Variants in EPHA10 observed in about 807,000 individuals in gnomAD.
EPHA10 encodes ephrin type-A receptor 10.
Under a neutral mutation model 109.7 loss-of-function variants are expected in EPHA10, and 120 were observed. The observed-to-expected ratio is 1.09, with a 90% CI of 0.94 to 1.27. The LOEUF is 1.27. EPHA10 is among the 50% of genes most tolerant of loss of function. The pLI is 0.00. For synonymous variants in EPHA10, 640 were observed against 618.9 expected (o/e 1.03, Z -0.51); for missense variants, 1,396 against 1,411.1 (o/e 0.99, Z 0.17).
chr1:37,761,522 C>G lies in EPHA10; in HGVS notation c.733G>C (p.Glu245Gln). Residue 245 changes from glutamate to glutamine, a missense_variant, in exon 3 of 17, where the codon GAA (glutamate) becomes CAA (glutamine). Coordinates refer to ENST00000373048, the MANE Select transcript of EPHA10 (RefSeq NM_001099439.2). ...EVAGTCVAHS[E>Q]GEPGSPPRMH... ...CGTGGGGGGCTGCCAGGCTCCCCTT[C>G]CGAGTGCGCCACGCACGTTCCGGCC... is the stretch of plus-strand genomic sequence containing the variant. 1 of 1,599,428 alleles carries G rather than the reference C, an allele frequency of 6.3e-7. No homozygotes were observed. Among genetic ancestry groups the G allele is most frequent in the Non-Finnish European group, 8.5e-7 (1 of 1,177,952 alleles).
In EPHA10 at chr1:37,718,679, A is replaced by T; in HGVS notation, c.2894T>A (p.Val965Glu). The change falls in exon 16 of 17, where the codon GTG becomes GAG. Residue 965 changes from valine to glutamate, a missense_variant. Transcript: ENST00000373048. The stretch of plus-strand genomic sequence containing the variant: ...GACTCACTGGGCAGTCATCTCGGCC[A>T]CGGCCTCCAGGCTCCCATAGCCAGC... ...AAAGYGSLEA[V>E]AEMTAQDLVS... The T allele has an allele frequency of 6.2e-7, 1 of 1,613,196 alleles. No individual in the cohort carries two copies. The highest frequency in any genetic ancestry group is 8.5e-7 in the Non-Finnish European group (1 of 1,180,028).
chr1:37,761,619 G>A lies in EPHA10; in HGVS notation c.636C>T (p.Arg212=), dbSNP rs773653373. 28 of 1,603,780 alleles carry A rather than the reference G, an allele frequency of 1.7e-5. No individual in the cohort carries two copies. In the Admixed American group the frequency reaches 4.5e-4, roughly 26 times the overall value. The change falls in exon 3 of 17, where the codon CGC becomes CGT. Residue 212 remains arginine (R), a synonymous_variant. Transcript: ENST00000373048. ...VSVRVYYKQC[R]ATVRGLATFP... is the part of the protein sequence containing the mutation. ...ACGTGGCCAGGCCCCGCACGGTGGCGCGGCACTGCTTGTAGTAGACGCGCA... is the reference window on the plus strand; with the variant it reads ...ACGTGGCCAGGCCCCGCACGGTGGCACGGCACTGCTTGTAGTAGACGCGCA...
chr1:37,729,217 C>T (rs1033891532), intron 7 of EPHA10, among the ~76,000 whole-genome samples: 2 of 152,128 alleles, frequency 1.3e-5, no homozygotes, highest in African/African-American at 4.8e-5. Flanking sequence ...CCAGCTAAGC[C>T]CCGAGATGAT....
chr1:37,757,292 C>T (rs760447204), intron 3 of EPHA10, among the ~76,000 whole-genome samples: 1 of 152,198 alleles, frequency 6.6e-6, no homozygotes, highest in African/African-American at 2.4e-5. Context: ...TATTCCCCCA[C>T]TTATCCATCT....
At position 37,731,350 on chromosome 1, in the gene EPHA10, C is replaced by T. The variant is rs533510781; in HGVS notation, c.1663+61G>A. On this transcript the variant is annotated intron_variant, in intron 7 of 16. Transcript: ENST00000373048. The stretch of plus-strand genomic sequence containing the variant: ...CTCTCCCCCTCTATTTGTCTCCCTA[C>T]CTCAGCCCCGTGCAGGGTTCTCTCT... 4.2e-5 allele frequency: 62 copies of T among 1,485,836 alleles called. No individual in the cohort carries two copies. In the South Asian group the frequency reaches 7.5e-4, roughly 18 times the overall value. 92.0% of individuals were successfully genotyped at this position (1,485,836 alleles called of 1,614,324 possible). A position where few individuals can be genotyped will look rare whatever the true frequency, so the allele number is the denominator to read the frequency against.
chr1:37,761,011 G>A (rs1646424486), intron 3 of EPHA10: 2 of 352,326 alleles, frequency 5.7e-6, no homozygotes, highest in Non-Finnish European at 8.8e-6. Flanking sequence ...TTGAACCCAG[G>A]AGGTGGAAGT....
intron 13 of EPHA10, 124 bp downstream of exon 13, chr1:37,720,227 C>A: frequency 1.4e-6 from 2 of 1,400,536 alleles, no homozygotes; most frequent in Non-Finnish European, 1.9e-6. Context: ...GGTTCACTCG[C>A]ATTTATGCCA....
At chr1:37,714,275 AGAG>A (rs1297824793), downstream of EPHA10, among the ~76,000 whole-genome samples, 2 of 152,188 alleles carry the variant, frequency 1.3e-5, no homozygotes, top group Admixed American at 6.5e-5. Context: ...CGGGCCAGGG[AGAG>A]GAGAAGCACT....
chr1:37,725,488 A>G (rs1645873154), intron 8 of EPHA10, among the ~76,000 whole-genome samples: 1 of 146,008 alleles, frequency 6.8e-6, no homozygotes. Flanking sequence ...TCTGGGTGAC[A>G]AGAGCAAGGC....
rs1646380767 is a variant in EPHA10, at chr1:37,754,892, G to A, written c.851-522C>T. ...CACTCACTGCAACCCCCACCTCCCA[G>A]GTTTAAGCGATTCTCCTGCCTCAGC... On this transcript the variant is annotated intron_variant, in intron 3 of 16. Coordinates refer to ENST00000373048, the MANE Select transcript of EPHA10 (RefSeq NM_001099439.2). The surrounding 1 kb of genome is among the most constrained non-coding windows in gnomAD (Gnocchi z 4.5). 6.6e-6 allele frequency among the ~76,000 whole-genome samples: 1 copy of A among 152,030 alleles called. No homozygotes were observed. Among genetic ancestry groups the A allele is most frequent in the African/African-American group, 2.4e-5 (1 of 41,382 alleles).
Position 37,719,484 on chromosome 1 carries a change from T to C in EPHA10, c.2686A>G (p.Ile896Val). ...ACCATCTTGCTCAGGATGCTGTGGA[T>C]CTGGGAGAACCTGGGCCGCTCACCT... ...DPGERPRFSQ[I>V]HSILSKMVQD... The change falls in exon 15 of 17, where the codon ATC (isoleucine) becomes GTC (valine). Residue 896 changes from isoleucine to valine, a missense_variant. By Grantham distance (29) the Ile-to-Val change is conservative. Transcript: ENST00000373048. 6.2e-7 allele frequency: 1 copy of C among 1,613,972 alleles called. No homozygotes were observed. The highest frequency in any genetic ancestry group is 1.1e-5 in the South Asian group (1 of 91,068).
chr1:37,753,305 G>T, intron 4 of EPHA10, 79 bp from the exon 5 acceptor site: 1 of 885,864 alleles, frequency 1.1e-6, no homozygotes, highest in Admixed American at 4.5e-5. Context: ...AGGGGGGGGC[G>T]GGGTCTTGTC....
intron 5 of EPHA10, among the ~76,000 whole-genome samples, chr1:37,751,640 G>A (rs1254055839): frequency 6.6e-6 from 1 of 151,496 alleles, no homozygotes; most frequent in Non-Finnish European, 1.5e-5. Context: ...TTGGAAGCCT[G>A]AGGCCAGCAG....
downstream of EPHA10, among the ~76,000 whole-genome samples, chr1:37,715,651 T>C (rs145838966): frequency 2.4e-3 from 369 of 152,292 alleles, 2 homozygotes; most frequent in African/African-American, 8.4e-3. Context: ...GCACCTTTCC[T>C]GGTCTCTGCC....
chr1:37,753,253 C>T (rs1231505420), intron 4 of EPHA10, 27 bp from the exon 5 acceptor site: 2 of 1,125,286 alleles, frequency 1.8e-6, no homozygotes, highest in Non-Finnish European at 2.2e-6. Context: ...GCGGGGCGGT[C>T]AGGGCGGGGC....
chr1:37,735,164 G>A, intron 6 of EPHA10, 93 bp downstream of exon 6: 1 of 1,493,652 alleles, frequency 6.7e-7, no homozygotes, highest in Admixed American at 2.0e-5. Flanking sequence ...AGGGAGTAAC[G>A]AGGGCTTTTG....
chr1:37,725,506 CAAAAAAAAAAA>C (rs536628850), intron 8 of EPHA10, among the ~76,000 whole-genome samples: 96 of 56,432 alleles, frequency 1.7e-3, no homozygotes, highest in African/African-American at 5.7e-3. Flanking sequence ...GGCTCCATCT[CAAAAAAAAAAA>C]AAAAAAAAAA....
chr1:37,736,690 A>G (rs1484614380), intron 5 of EPHA10, among the ~76,000 whole-genome samples: 1 of 152,146 alleles, frequency 6.6e-6, no homozygotes, highest in Non-Finnish European at 1.5e-5. Flanking sequence ...CCTGGGCAAC[A>G]GAGCAAGACT....
At position 37,735,352 on chromosome 1, in the gene EPHA10, C is replaced by A; in HGVS notation, c.1396G>T (p.Glu466Ter). The change falls in exon 6 of 17, where the codon GAA (glutamate) becomes TAA (stop). Residue 466 changes from glutamate to a stop codon, truncating the protein, a stop_gained. Coordinates refer to ENST00000373048, the MANE Select transcript of EPHA10 (RefSeq NM_001099439.2). LOFTEE classifies it high-confidence loss of function. ...EEDEIRRDRV[E>*]PQSVSLSWRE... ...CACGACAGGGACACGCTCTGGGGTT[C>A]CACTCGGTCCCTGCGGATCTCATCC... 6.3e-7 allele frequency: 1 copy of A among 1,577,064 alleles called. No individual in the cohort carries two copies. Among genetic ancestry groups the A allele is most frequent in the East Asian group, 2.3e-5 (1 of 43,106 alleles).
Sources: gnomAD v4.1 joint callset for allele counts (sites outside exome capture counted in the v4.1 genomes callset) on GRCh38, gnomAD v4.1.1 for gene constraint, Gnocchi (gnomAD v3.1) non-coding constraint, MANE v1.5 for transcripts, NCBI Gene and HGNC (gene_info 2026-07-23, HGNC 2026-07-21) for gene names.